Variants in FAAH2 observed in about 807,000 individuals in gnomAD.
The protein encoded by FAAH2 is fatty acid amide hydrolase 2, also known as fatty-acid amide hydrolase 2.
FAAH2 carries 60 observed loss-of-function variants against 36.9 expected under a neutral mutation model. The observed-to-expected ratio is 1.63, with a 90% CI of 1.32 to 2.02. The LOEUF (loss-of-function observed/expected upper bound fraction) is 2.02, where lower values mean the gene tolerates loss of function less well. Among genes scored for constraint, FAAH2 ranks in the 30% most tolerant of loss-of-function variants. The probability of loss-of-function intolerance (pLI) is 0.00; values close to 1 mark genes in which losing one functional copy is unlikely to be tolerated. For synonymous variants in FAAH2, 214 were observed against 143.8 expected, an observed-to-expected ratio of 1.49 and a Z score of -3.49; for missense variants, 689 against 397.5, an observed-to-expected ratio of 1.73 and a Z score of -6.23.
the FAAH2 span, among the ~76,000 whole-genome samples, chrX:57,188,905 G>A: frequency 0.022 from 2,386 of 110,899 alleles, 30 homozygotes; most frequent in Non-Finnish European, 0.032. Context: ...GGTGTTCTCT[G>A]TATTTCCTGA....
intron 10 of FAAH2, among the ~76,000 whole-genome samples, chrX:57,458,195 G>T (rs1430555997): frequency 8.9e-6 from 1 of 111,963 alleles, no homozygotes; most frequent in Middle Eastern, 4.2e-3. Flanking sequence ...AGCAATGGAG[G>T]AAAGGACTCT....
At chrX:57,135,578 C>T in the FAAH2 span, 12 of 545,633 alleles carry the variant, frequency 2.2e-5, no homozygotes, top group South Asian at 6.9e-5. Flanking sequence ...GACAGCTGTT[C>T]GTTCCTTCCA....
At chrX:57,473,386 G>C (rs1358753035) in intron 10 of FAAH2, among the ~76,000 whole-genome samples, 1 of 111,554 alleles carries the variant, frequency 9.0e-6, no homozygotes, top group African/African-American at 3.3e-5. Flanking sequence ...TGTGGTCTGA[G>C]AAGAGACTTG....
chrX:57,340,860 G>A (rs1292939779), intron 4 of FAAH2, among the ~76,000 whole-genome samples: 1 of 111,000 alleles, frequency 9.0e-6, no homozygotes, highest in African/African-American at 3.3e-5. Context: ...TTAATACCTA[G>A]GTGATGTGTT....
chrX:57,311,266 C>T (rs1297340318), intron 3 of FAAH2, among the ~76,000 whole-genome samples: 1 of 112,003 alleles, frequency 8.9e-6, no homozygotes, highest in Non-Finnish European at 1.9e-5. Context: ...TGGGATGTAG[C>T]TAAATTAGTA....
chrX:57,187,319 T>G, the FAAH2 span, among the ~76,000 whole-genome samples: 1 of 110,827 alleles, frequency 9.0e-6, no homozygotes, highest in African/African-American at 3.3e-5. Context: ...TTTATTTTCT[T>G]TGTAGCAATT....
the FAAH2 span, among the ~76,000 whole-genome samples, chrX:57,238,816 A>T: frequency 8.1e-5 from 9 of 110,854 alleles, no homozygotes; most frequent in Non-Finnish European, 9.5e-5. Context: ...CCCTCACGTA[A>T]ACTATGGTGT....
chrX:57,360,819 C>T (rs927566572), intron 5 of FAAH2, among the ~76,000 whole-genome samples: 7 of 110,375 alleles, frequency 6.3e-5, no homozygotes, highest in Non-Finnish European at 1.3e-4. Context: ...TAGTGCTCTT[C>T]CTCCCCTCAC....
chrX:57,228,974 T>G, the FAAH2 span: 1 of 111,825 alleles, frequency 8.9e-6, no homozygotes, highest in Non-Finnish European at 1.9e-5. Context: ...CAGATCCATA[T>G]TTCCCCCAGA....
chrX:57,358,732 T>A (rs1162330741), intron 5 of FAAH2, among the ~76,000 whole-genome samples: 1 of 111,542 alleles, frequency 9.0e-6, no homozygotes, highest in East Asian at 2.8e-4. Flanking sequence ...GGTGGATAAA[T>A]ATCTAGAAGT....
intron 10 of FAAH2, among the ~76,000 whole-genome samples, chrX:57,487,790 A>C (rs768560010): frequency 8.9e-6 from 1 of 112,098 alleles, no homozygotes; most frequent in Non-Finnish European, 1.9e-5. Flanking sequence ...ATATATGCTC[A>C]AGAAATGAAA....
At chrX:57,472,573 G>T (rs1199710972) in intron 10 of FAAH2, among the ~76,000 whole-genome samples, 1 of 111,435 alleles carries the variant, frequency 9.0e-6, no homozygotes, top group Non-Finnish European at 1.9e-5. Flanking sequence ...CTGTACATCT[G>T]GCAAAACCTG....
chrX:57,421,746 G>A (rs927703552), intron 7 of FAAH2, among the ~76,000 whole-genome samples: 4 of 111,993 alleles, frequency 3.6e-5, no homozygotes, highest in African/African-American at 1.3e-4. Flanking sequence ...TGAAAATGTG[G>A]TAATAGTGAA....
chrX:57,404,324 C>T (rs2055513905), intron 7 of FAAH2, among the ~76,000 whole-genome samples: 1 of 112,271 alleles, frequency 8.9e-6, no homozygotes, highest in African/African-American at 3.2e-5. Flanking sequence ...CTCTTTCTTT[C>T]TCCTTTCTGT....
intron 2 of FAAH2, among the ~76,000 whole-genome samples, chrX:57,308,445 C>A (rs769161366): frequency 1.5e-4 from 17 of 111,130 alleles, no homozygotes; most frequent in Non-Finnish European, 2.6e-4. Flanking sequence ...GAGAAGTGTC[C>A]ATTCACATCT....
chrX:57,138,227 A>G, the FAAH2 span, among the ~76,000 whole-genome samples: 1 of 111,510 alleles, frequency 9.0e-6, no homozygotes, highest in Admixed American at 9.5e-5. Context: ...TGTGAGTTAC[A>G]GTTTTTCACA....
the FAAH2 span, among the ~76,000 whole-genome samples, chrX:57,236,707 G>T: frequency 2.7e-5 from 3 of 110,995 alleles, no homozygotes; most frequent in Non-Finnish European, 5.7e-5. Flanking sequence ...TTTGGGGGGG[G>T]TGTTTTTCTA....
intron 7 of FAAH2, among the ~76,000 whole-genome samples, chrX:57,383,685 A>C (rs2054923232): frequency 8.9e-6 from 1 of 112,025 alleles, no homozygotes; most frequent in Admixed American, 9.4e-5. Flanking sequence ...GATACAAACA[A>C]CTGGAAGAAC....
At chrX:57,176,459 G>A in the FAAH2 span, among the ~76,000 whole-genome samples, 2 of 109,875 alleles carry the variant, frequency 1.8e-5, no homozygotes, top group South Asian at 7.7e-4. Flanking sequence ...CATTTCATTA[G>A]AAGAATTTTC....
Sources: gnomAD v4.1 joint callset for allele counts (sites outside exome capture counted in the v4.1 genomes callset) on GRCh38, gnomAD v4.1.1 for gene constraint, MANE v1.5 for transcripts, NCBI Gene and HGNC (gene_info 2026-07-23, HGNC 2026-07-21) for gene names.